The following CSMD1 variants were observed in gnomAD, a reference collection of about 807,000 sequenced individuals.
The protein encoded by CSMD1 is CUB and Sushi multiple domains 1.
Under a neutral mutation model 417.5 loss-of-function variants are expected in CSMD1, and 213 were observed. The observed-to-expected ratio is 0.51, with a 90% CI of 0.46 to 0.57. CSMD1 has a LOEUF of 0.57. Ranked by LOEUF, CSMD1 falls within the 20% of genes least tolerant of loss-of-function variation. The probability of loss-of-function intolerance (pLI) is 0.00; values close to 1 mark genes in which losing one functional copy is unlikely to be tolerated. For missense variants in CSMD1, 6,923 were observed against 4,529.7 expected (o/e 1.53, Z -15.17); for synonymous variants, 2,862 against 1,736.8 (o/e 1.65, Z -16.11).
chr8:3,671,496 CAT>C (rs200669319), intron 7 of CSMD1, among the ~76,000 whole-genome samples: 134 of 12,350 alleles, frequency 0.011, 18 homozygotes, highest in East Asian at 0.022. Context: ...TATATATGAT[CAT>C]ATATATATAT....
intron 3 of CSMD1, among the ~76,000 whole-genome samples, chr8:4,075,237 C>G (rs1241542098): frequency 6.6e-6 from 1 of 151,966 alleles, no homozygotes; most frequent in East Asian, 1.9e-4. Flanking sequence ...AGCTTAAGGA[C>G]TTAGGATAAT....
At chr8:4,054,554 C>T (rs1798594750) in intron 3 of CSMD1, among the ~76,000 whole-genome samples, 1 of 151,962 alleles carries the variant, frequency 6.6e-6, no homozygotes, top group African/African-American at 2.4e-5. Flanking sequence ...AGATGTCCCT[C>T]TTGCGGAGTT....
chr8:4,889,439 T>C (rs1179530046), intron 1 of CSMD1, among the ~76,000 whole-genome samples: 1 of 152,052 alleles, frequency 6.6e-6, no homozygotes, highest in African/African-American at 2.4e-5. Flanking sequence ...TAGCCAAAAT[T>C]TGAATAAGCT....
intron 5 of CSMD1, among the ~76,000 whole-genome samples, chr8:3,804,999 T>G (rs1800648382): frequency 6.6e-6 from 1 of 152,180 alleles, no homozygotes; most frequent in South Asian, 2.1e-4. Flanking sequence ...ACAGTTCACT[T>G]CTTCTGGTCT....
At chr8:4,095,400 AG>A (rs1800952221) in intron 3 of CSMD1, among the ~76,000 whole-genome samples, 1 of 142,894 alleles carries the variant, frequency 7.0e-6, no homozygotes. Context: ...AAAGTAAAAA[AG>A]AAAAAAAAAT....
At chr8:3,352,655 C>T (rs996875700) in intron 21 of CSMD1, among the ~76,000 whole-genome samples, 2 of 152,268 alleles carry the variant, frequency 1.3e-5, no homozygotes, top group Admixed American at 6.5e-5. Flanking sequence ...GCCTGGCCAA[C>T]ATGGTGAAAC....
At chr8:3,834,565 C>G (rs1218724115) in intron 5 of CSMD1, among the ~76,000 whole-genome samples, 2 of 152,260 alleles carry the variant, frequency 1.3e-5, no homozygotes, top group East Asian at 3.9e-4. Flanking sequence ...TTAAATGTAT[C>G]CTGGCTGTAT....
chr8:3,241,068 A>C (rs56759112), intron 26 of CSMD1, among the ~76,000 whole-genome samples: 6 of 145,346 alleles, frequency 4.1e-5, no homozygotes, highest in East Asian at 2.1e-4. Context: ...GGTTAAGGTG[A>C]GGGGATACAA....
chr8:3,299,773 A>T (rs1479879967), intron 25 of CSMD1, among the ~76,000 whole-genome samples: 2 of 152,208 alleles, frequency 1.3e-5, no homozygotes, highest in Admixed American at 1.3e-4. Flanking sequence ...GGAAAGGTAT[A>T]AACAGATATA....
intron 3 of CSMD1, among the ~76,000 whole-genome samples, chr8:4,405,674 A>T (rs555263778): frequency 5.3e-5 from 8 of 152,352 alleles, no homozygotes; most frequent in Non-Finnish European, 1.0e-4. Flanking sequence ...CACATCACTC[A>T]TCGCTAAGCT....
chr8:4,732,926 G>A (rs556567617), intron 1 of CSMD1, among the ~76,000 whole-genome samples: 7 of 152,178 alleles, frequency 4.6e-5, no homozygotes, highest in African/African-American at 1.4e-4. Flanking sequence ...AGAGGAGATC[G>A]GGAGGCAGCA....
chr8:3,140,914 G>A (rs1053539379), intron 41 of CSMD1, among the ~76,000 whole-genome samples: 2 of 152,164 alleles, frequency 1.3e-5, no homozygotes, highest in African/African-American at 2.4e-5. Flanking sequence ...AAAGGATAAA[G>A]TTCAATCACT....
intron 5 of CSMD1, among the ~76,000 whole-genome samples, chr8:3,989,749 G>T (rs1015601710): frequency 6.6e-6 from 1 of 152,180 alleles, no homozygotes; most frequent in African/African-American, 2.4e-5. Flanking sequence ...GGTGGGAAAC[G>T]CTAATGTTCT....
intron 11 of CSMD1, among the ~76,000 whole-genome samples, chr8:3,473,159 T>C (rs957403462): frequency 6.6e-6 from 1 of 152,244 alleles, no homozygotes; most frequent in African/African-American, 2.4e-5. Flanking sequence ...TCAGTCGATA[T>C]ATTTAATTTC....
chr8:3,253,811 G>A (rs1481647800), intron 26 of CSMD1, among the ~76,000 whole-genome samples: 1 of 152,136 alleles, frequency 6.6e-6, no homozygotes. Flanking sequence ...ACACTGTAGG[G>A]TCTTGACTCT....
At chr8:4,321,111 G>A (rs574255743) in intron 3 of CSMD1, among the ~76,000 whole-genome samples, 1 of 152,098 alleles carries the variant, frequency 6.6e-6, no homozygotes, top group Non-Finnish European at 1.5e-5. Flanking sequence ...CTAGACTCTA[G>A]TCTAAATCAA....
At chr8:4,905,276 G>A (rs1027762011) in intron 1 of CSMD1, among the ~76,000 whole-genome samples, 1 of 152,110 alleles carries the variant, frequency 6.6e-6, no homozygotes, top group Non-Finnish European at 1.5e-5. Context: ...GTCATTTGCT[G>A]AAGTTTAGGG....
chr8:3,256,680 C>T (rs974251471), intron 26 of CSMD1, among the ~76,000 whole-genome samples: 1 of 152,204 alleles, frequency 6.6e-6, no homozygotes, highest in African/African-American at 2.4e-5. Context: ...GAACTGGATC[C>T]TGCAGCCACC....
chr8:3,047,397 G>A (rs1471891573), intron 50 of CSMD1, among the ~76,000 whole-genome samples: 1 of 151,986 alleles, frequency 6.6e-6, no homozygotes, highest in Non-Finnish European at 1.5e-5. Context: ...CATGTCCTGT[G>A]CATATCTTCA....
Sources: allele counts gnomAD v4.1 joint callset (sites outside exome capture counted in the v4.1 genomes callset), GRCh38; gene constraint gnomAD v4.1.1; transcripts MANE v1.5; gene names NCBI Gene and HGNC (gene_info 2026-07-23, HGNC 2026-07-21).